NOS1AP: variants seen among roughly 807,000 people sequenced by gnomAD.
The protein encoded by NOS1AP is nitric oxide synthase 1 adaptor protein.
Under a neutral mutation model 56.2 loss-of-function variants are expected in NOS1AP, and 21 were observed. The ratio of observed to expected loss-of-function variants is 0.37; its 90% CI spans 0.26 to 0.54. The LOEUF is 0.54. Among genes scored for constraint, NOS1AP ranks in the 20% least tolerant of loss-of-function variants. The pLI is 0.84. For missense variants in NOS1AP, 522 were observed against 657.8 expected (o/e 0.79, Z 2.26); for synonymous variants, 270 against 274.6 (o/e 0.98, Z 0.17).
intron 1 of NOS1AP, among the ~76,000 whole-genome samples, chr1:162,131,825 G>A (rs1165435164): frequency 6.6e-6 from 1 of 152,000 alleles, no homozygotes; most frequent in East Asian, 1.9e-4. Context: ...TTTACATATG[G>A]CCTCAGTCAG....
At chr1:162,171,157 T>C (rs149496287) in intron 2 of NOS1AP, among the ~76,000 whole-genome samples, 3 of 152,194 alleles carry the variant, frequency 2.0e-5, no homozygotes, top group African/African-American at 7.2e-5. Flanking sequence ...ACTCCAAGTG[T>C]GACTCAAGGC....
chr1:162,110,896 C>T (rs896746399), intron 1 of NOS1AP, among the ~76,000 whole-genome samples: 1 of 152,238 alleles, frequency 6.6e-6, no homozygotes, highest in African/African-American at 2.4e-5. Flanking sequence ...CCAGGACTGT[C>T]TGATGCCAGG....
At chr1:162,216,477 C>T (rs866210691) in intron 2 of NOS1AP, among the ~76,000 whole-genome samples, 21 of 152,192 alleles carry the variant, frequency 1.4e-4, no homozygotes, top group African/African-American at 5.1e-4. Context: ...GCGGGCTTTA[C>T]ATCTTATAGT....
intron 2 of NOS1AP, among the ~76,000 whole-genome samples, chr1:162,246,123 A>G (rs1653653953): frequency 6.6e-6 from 1 of 152,062 alleles, no homozygotes; most frequent in African/African-American, 2.4e-5. Context: ...AGAGTGATCA[A>G]CTCCTGCCCC....
In NOS1AP at chr1:162,268,320, C is replaced by T. The variant is rs200207594; in HGVS notation, c.178-19024C>T. Among the ~76,000 whole-genome samples, 813 of 143,496 alleles carry T rather than the reference C, an allele frequency of 5.7e-3. 10 individuals are homozygous for T. Among genetic ancestry groups the T allele is most frequent in the African/African-American group, 0.019 (765 of 39,486 alleles). 94.1% of individuals were successfully genotyped at this position (143,496 alleles called of 152,430 possible). A position where few individuals can be genotyped will look rare whatever the true frequency, so the allele number is the denominator to read the frequency against. On this transcript the variant is annotated intron_variant, in intron 2 of 9. Transcript: ENST00000361897. The stretch of plus-strand genomic sequence containing the variant: ...CTAGTGTGGCCCTGTAGCTCCCCCC[C>T]CCTATTTCTAGAATATTTATTATAA...
At chr1:162,269,490 G>GA (rs1156564501) in intron 2 of NOS1AP, among the ~76,000 whole-genome samples, 1 of 152,110 alleles carries the variant, frequency 6.6e-6, no homozygotes, top group African/African-American at 2.4e-5. Flanking sequence ...ACTTATTTTT[G>GA]AAAATTAATC....
chr1:162,276,525 A>G (rs1387400341), intron 2 of NOS1AP, among the ~76,000 whole-genome samples: 1 of 127,366 alleles, frequency 7.9e-6, no homozygotes, highest in Non-Finnish European at 1.6e-5. Flanking sequence ...TGGGTAGCTT[A>G]AAAAAAAAAA....
intron 4 of NOS1AP, among the ~76,000 whole-genome samples, chr1:162,305,051 T>C (rs952149978): frequency 2.0e-5 from 3 of 152,194 alleles, no homozygotes; most frequent in African/African-American, 7.2e-5. Flanking sequence ...TTTAATTTTT[T>C]ATTAAGTCAA....
chr1:162,184,744 G>C (rs1651371013), intron 2 of NOS1AP, among the ~76,000 whole-genome samples: 1 of 152,198 alleles, frequency 6.6e-6, no homozygotes, highest in African/African-American at 2.4e-5. Flanking sequence ...CTGTTTTCCA[G>C]TAGTTCCCCT....
intron 2 of NOS1AP, among the ~76,000 whole-genome samples, chr1:162,211,194 A>G (rs1557834208): frequency 6.6e-6 from 1 of 152,222 alleles, no homozygotes; most frequent in Non-Finnish European, 1.5e-5. Context: ...CCATAACAAA[A>G]TATCACAGGC....
chr1:162,291,374 T>C (rs1655277040), intron 3 of NOS1AP, among the ~76,000 whole-genome samples: 1 of 152,202 alleles, frequency 6.6e-6, no homozygotes. Flanking sequence ...TGTGTAATAA[T>C]GTCATTAAAT....
At chr1:162,143,033 A>G (rs1230461844) in intron 1 of NOS1AP, among the ~76,000 whole-genome samples, 3 of 151,344 alleles carry the variant, frequency 2.0e-5, no homozygotes, top group Non-Finnish European at 2.9e-5. Flanking sequence ...TCCCAACTCC[A>G]GGAAGGCTTT....
rs1000560720 is a variant in NOS1AP at position 162,160,131 on chromosome 1, T to C, written c.177+5655T>C. 3.3e-5 allele frequency among the ~76,000 whole-genome samples: 5 copies of C among 152,198 alleles called. No individual in the cohort carries two copies. In the South Asian group the frequency reaches 1.0e-3, roughly 31 times the overall value. On this transcript the variant is annotated intron_variant, in intron 2 of 9. Coordinates refer to ENST00000361897, the MANE Select transcript of NOS1AP (RefSeq NM_014697.3). ...AGATGACACTCAGGGGTATCTGGTC[T>C]CCTGTGGTGGCTCCTCTGGCTGTAG... is the stretch of plus-strand genomic sequence containing the variant.
chr1:162,291,078 A>G (rs1428152298), intron 3 of NOS1AP, among the ~76,000 whole-genome samples: 1 of 151,064 alleles, frequency 6.6e-6, no homozygotes, highest in Admixed American at 6.6e-5. Context: ...GTGGGTCACT[A>G]TGTTGTTGTT....
chr1:162,286,763 A>G (rs190084634), intron 2 of NOS1AP, among the ~76,000 whole-genome samples: 4 of 152,276 alleles, frequency 2.6e-5, no homozygotes, highest in Non-Finnish European at 4.4e-5. Flanking sequence ...TAACAAATAC[A>G]TGGTTTTTGA....
At chr1:162,237,072 A>G (rs1326692645) in intron 2 of NOS1AP, among the ~76,000 whole-genome samples, 3 of 152,174 alleles carry the variant, frequency 2.0e-5, no homozygotes, top group African/African-American at 7.2e-5. Flanking sequence ...CCCGTTTACC[A>G]CTGAGGCCAG....
chr1:162,297,199 G>A (rs750906907), intron 3 of NOS1AP, among the ~76,000 whole-genome samples: 2 of 152,196 alleles, frequency 1.3e-5, no homozygotes, highest in African/African-American at 2.4e-5. Context: ...GCTGGTTGGG[G>A]TTTCACAGCC....
At chr1:162,343,411 G>A (rs1657174262) in intron 5 of NOS1AP, among the ~76,000 whole-genome samples, 1 of 152,174 alleles carries the variant, frequency 6.6e-6, no homozygotes, top group African/African-American at 2.4e-5. Context: ...TGTTACCACT[G>A]CCCTTGGTCT....
At chr1:162,351,742 C>T (rs1326599701) in intron 6 of NOS1AP, among the ~76,000 whole-genome samples, 2 of 152,198 alleles carry the variant, frequency 1.3e-5, no homozygotes, top group Non-Finnish European at 2.9e-5. Flanking sequence ...TCCCCCCGAC[C>T]TACGACCTTA....
Sources: allele counts gnomAD v4.1 joint callset (sites outside exome capture counted in the v4.1 genomes callset), GRCh38; gene constraint gnomAD v4.1.1; transcripts MANE v1.5; gene names NCBI Gene and HGNC (gene_info 2026-07-23, HGNC 2026-07-21).